Variants in ABL2 observed in about 807,000 individuals in gnomAD.
ABL2 encodes tyrosine-protein kinase ABL2.
Under a neutral mutation model 107.7 loss-of-function variants are expected in ABL2, and 49 were observed. The ratio of observed to expected loss-of-function variants is 0.45; its 90% CI spans 0.36 to 0.58. The LOEUF is 0.58. Among genes scored for constraint, ABL2 ranks in the 20% least tolerant of loss-of-function variants. The pLI is 0.00. For missense variants in ABL2, 1,245 were observed against 1,457.0 expected (o/e 0.85, Z 2.37); for synonymous variants, 549 against 548.6 (o/e 1.00, Z -0.01).
chr1:179,200,858 C>A (rs1187035485), intron 1 of ABL2, among the ~76,000 whole-genome samples: 3 of 152,130 alleles, frequency 2.0e-5, no homozygotes, highest in Admixed American at 6.5e-5. Flanking sequence ...CGCAAGTGTC[C>A]AAGTCTTCTC....
intron 1 of ABL2, among the ~76,000 whole-genome samples, chr1:179,203,296 T>A (rs1661773517): frequency 6.6e-6 from 1 of 152,240 alleles, no homozygotes; most frequent in Non-Finnish European, 1.5e-5. Flanking sequence ...TTTCCTCTCT[T>A]CTGTTGCCTT....
chr1:179,111,696 T>C (rs1018673648), intron 10 of ABL2, among the ~76,000 whole-genome samples: 3 of 152,246 alleles, frequency 2.0e-5, no homozygotes, highest in Admixed American at 6.5e-5. Flanking sequence ...ATTGGACATA[T>C]GGATATCCTC....
Position 179,107,871 on chromosome 1 carries a change from G to T in ABL2, c.3396C>A (p.Asn1132Lys). The T allele has an allele frequency of 1.9e-6, 3 of 1,614,250 alleles. No individual in the cohort carries two copies. Among genetic ancestry groups the T allele is most frequent in the Non-Finnish European group, 2.5e-6 (3 of 1,180,054 alleles). ...TCACAGCCTCTCGGAAGGCAAATTT[G>T]TTGCGAGTTTGAGGGATGCAGTCCA... ...GYVDCIPQTR[N>K]KFAFREAVSK... Residue 1132 changes from asparagine to lysine, a missense_variant, in exon 12 of 12, where the codon AAC becomes AAA. Asn to Lys is a moderately conservative substitution (Grantham distance 94). Coordinates refer to ENST00000502732, the MANE Select transcript of ABL2 (RefSeq NM_007314.4).
intron 2 of ABL2, 128 bp from the exon 3 acceptor site, chr1:179,131,609 G>A (rs1656338801): frequency 3.5e-6 from 3 of 865,622 alleles, no homozygotes; most frequent in South Asian, 4.3e-5. Flanking sequence ...AGTATAAAGT[G>A]TTATGAAGAA....
chr1:179,182,745 A>G (rs1660450882), intron 1 of ABL2, among the ~76,000 whole-genome samples: 1 of 152,182 alleles, frequency 6.6e-6, no homozygotes, highest in Non-Finnish European at 1.5e-5. Flanking sequence ...TTTGATTTGA[A>G]TTAACATTTT....
At chr1:179,185,821 A>G (rs186091875) in intron 1 of ABL2, among the ~76,000 whole-genome samples, 6 of 152,324 alleles carry the variant, frequency 3.9e-5, no homozygotes, top group African/African-American at 1.4e-4. Context: ...TTACTCCTGT[A>G]ATACTATTTT....
Position 179,126,390 on chromosome 1 carries a change from G to A in ABL2, c.674C>T (p.Thr225Ile), listed in dbSNP as rs1286922806. The A allele has an allele frequency of 1.9e-6, 3 of 1,612,828 alleles. No individual in the cohort carries two copies. Among genetic ancestry groups the A allele is most frequent in the Non-Finnish European group, 2.5e-6 (3 of 1,178,982 alleles). Residue 225 changes from threonine (T) to isoleucine (I), a missense_variant, in exon 4 of 12, where the codon ACT (threonine) becomes ATT (isoleucine). By Grantham distance (89) the Thr-to-Ile change is moderately conservative (BLOSUM62 -1). Coordinates refer to ENST00000502732, the MANE Select transcript of ABL2 (RefSeq NM_007314.4). The surrounding 1 kb of genome is among the most constrained non-coding windows in gnomAD (Gnocchi z 4.4). ...GRVYHYRINT[T>I]ADGKVYVTAE... is the part of the protein sequence containing the mutation. ...AGGGAGTCTTACCTTGCCATCTGCA[G>A]TGGTATTGATCCTGTAGTGATACAC...
At chr1:179,216,027 T>C (rs191396585) in intron 1 of ABL2, among the ~76,000 whole-genome samples, 491 of 152,286 alleles carry the variant, frequency 3.2e-3, no homozygotes, top group Non-Finnish European at 5.5e-3. Flanking sequence ...CCACATGAAG[T>C]GAAAGGTTTT....
Position 179,102,549 on chromosome 1 carries a change from T to A in ABL2, c.*5169A>T. The A allele has an allele frequency of 4.4e-6, 1 of 227,382 alleles. No individual in the cohort carries two copies. The highest frequency in any genetic ancestry group is 8.7e-6 in the Non-Finnish European group (1 of 114,430). The allele number at this position is 227,382 out of a possible 1,614,324, so 14.1% of individuals were successfully genotyped here. A position where few individuals can be genotyped will look rare whatever the true frequency, so the allele number is the denominator to read the frequency against. ...CAGAGACCCACCTACAAAAAGAGGATTGGTCATAGCAGATCCTTAGGGCAC... is the reference window on the plus strand; with the variant it reads ...CAGAGACCCACCTACAAAAAGAGGAATGGTCATAGCAGATCCTTAGGGCAC... On this transcript the variant is annotated 3_prime_UTR_variant, in exon 12 of 12. Transcript: ENST00000502732.
chr1:179,189,367 C>G (rs1390812429), intron 1 of ABL2, among the ~76,000 whole-genome samples: 1 of 152,168 alleles, frequency 6.6e-6, no homozygotes, highest in Non-Finnish European at 1.5e-5. Context: ...CTCCTGACTT[C>G]AGGTGATCCG....
chr1:179,190,827 T>C (rs79671561), intron 1 of ABL2, among the ~76,000 whole-genome samples: 2,612 of 152,272 alleles, frequency 0.017, 75 homozygotes, highest in African/African-American at 0.058. Flanking sequence ...AGACCAAATA[T>C]ACATTTCACA....
chr1:179,108,019 T>C lies in ABL2; in HGVS notation c.3248A>G (p.Lys1083Arg), dbSNP rs973835454. The C allele has an allele frequency of 6.2e-7, 1 of 1,614,254 alleles. No homozygotes were observed. The highest frequency in any genetic ancestry group is 8.5e-7 in the Non-Finnish European group (1 of 1,180,044). Residue 1083 changes from lysine to arginine, a missense_variant, in exon 12 of 12, where the codon AAA becomes AGA. By Grantham distance (26) the Lys-to-Arg change is conservative. This residue lies in a region of ABL2 where 761 missense variants were observed against 766.4 expected (regional missense o/e 0.99). Transcript: ENST00000502732. ...KQAAEKISAD[K>R]ISKEALLECA... is the part of the protein sequence containing the mutation. ...TTCCAGCAGGGCCTCTTTGCTGATTTTGTCTGCTGAGATTTTCTCAGCGGC... is the reference window on the plus strand; with the variant it reads ...TTCCAGCAGGGCCTCTTTGCTGATTCTGTCTGCTGAGATTTTCTCAGCGGC...
At position 179,102,301 on chromosome 1, in the gene ABL2, G is replaced by A. The variant is rs150802921; in HGVS notation, c.*5417C>T. ...GCTGGGATTACAGGCGTGAGCCACC[G>A]CACCCGGCCAGAATTTCTTTAAGTC... On this transcript the variant is annotated 3_prime_UTR_variant, in exon 12 of 12. Coordinates refer to ENST00000502732, the MANE Select transcript of ABL2 (RefSeq NM_007314.4). 0.014 allele frequency: 2,646 copies of A among 186,648 alleles called. 31 individuals are homozygous for A. The highest frequency in any genetic ancestry group is 0.022 in the Non-Finnish European group (1,914 of 88,326). 11.6% of individuals were successfully genotyped at this position (186,648 alleles called of 1,614,324 possible).
intron 1 of ABL2, chr1:179,201,696 A>G: frequency 1.6e-6 from 1 of 629,840 alleles, no homozygotes; most frequent in Non-Finnish European, 2.9e-6. Context: ...GTCTTTCTTG[A>G]CGTAGGTCAG....
At chr1:179,121,320 A>T (rs1655170248) in intron 5 of ABL2, among the ~76,000 whole-genome samples, 1 of 152,222 alleles carries the variant, frequency 6.6e-6, no homozygotes, top group African/African-American at 2.4e-5. Flanking sequence ...TTTTGCTTTT[A>T]TAACTTTTAA....
At chr1:179,113,352 G>A (rs1377237008) in intron 9 of ABL2, among the ~76,000 whole-genome samples, 1 of 152,216 alleles carries the variant, frequency 6.6e-6, no homozygotes, top group Non-Finnish European at 1.5e-5. Flanking sequence ...AGTAAAACCT[G>A]TCTTCAAACT....
chr1:179,139,629 T>C (rs1210920067), intron 1 of ABL2, among the ~76,000 whole-genome samples: 3 of 152,114 alleles, frequency 2.0e-5, no homozygotes, highest in African/African-American at 7.2e-5. Flanking sequence ...TCAGTACCAC[T>C]TCATGACCAC....
In ABL2 at chr1:179,104,620, T is replaced by C. The variant is rs1259630895; in HGVS notation, c.*3098A>G. ...TGATGGAAGTCTACAGGAAAATATATACATTTAAATTTTACACAAAGCCTT... is the reference window on the plus strand; with the variant it reads ...TGATGGAAGTCTACAGGAAAATATACACATTTAAATTTTACACAAAGCCTT... On this transcript the variant is annotated 3_prime_UTR_variant, in exon 12 of 12. Transcript: ENST00000502732. The C allele has an allele frequency of 1.9e-5, 4 of 206,804 alleles. No homozygotes were observed. Among genetic ancestry groups the C allele is most frequent in the Admixed American group, 1.2e-4 (2 of 16,848 alleles). 12.8% of individuals were successfully genotyped at this position (206,804 alleles called of 1,614,324 possible). A position where few individuals can be genotyped will look rare whatever the true frequency, so the allele number is the denominator to read the frequency against.
intron 1 of ABL2, chr1:179,221,645 C>T: frequency 1.0e-5 from 2 of 196,550 alleles, no homozygotes; most frequent in Non-Finnish European, 1.2e-5. Context: ...CTGAGTTTTG[C>T]CCCATTGCCA....
Sources: gnomAD v4.1 joint callset for allele counts (sites outside exome capture counted in the v4.1 genomes callset) on GRCh38, gnomAD v4.1.1 for gene constraint, gnomAD v4.1.1 regional missense constraint, Gnocchi (gnomAD v3.1) non-coding constraint, MANE v1.5 for transcripts, NCBI Gene and HGNC (gene_info 2026-07-23, HGNC 2026-07-21) for gene names.